Variants in COLEC11 observed in about 807,000 individuals in gnomAD.
The protein encoded by COLEC11 is collectin subfamily member 11, also known as collectin-11.
Under a neutral mutation model 27.3 loss-of-function variants are expected in COLEC11, and 20 were observed. The observed-to-expected ratio is 0.73, with a 90% CI of 0.51 to 1.06. COLEC11 has a LOEUF of 1.06. COLEC11 is among the 50% of genes least tolerant of loss of function. The pLI is 0.00. For synonymous variants in COLEC11, 163 were observed against 154.7 expected (o/e 1.05, Z -0.40); for missense variants, 310 against 383.0 (o/e 0.81, Z 1.59).
chr2:3,641,092 T>C (rs905598584), intron 5 of COLEC11: 2 of 382,118 alleles, frequency 5.2e-6, no homozygotes, highest in African/African-American at 5.0e-5. Context: ...CCACCCACCA[T>C]GTAGACCCCA....
intron 5 of COLEC11, among the ~76,000 whole-genome samples, chr2:3,640,985 A>T (rs1665815721): frequency 7.6e-6 from 1 of 131,514 alleles, no homozygotes. Flanking sequence ...CCCACGGTGG[A>T]CACCCACCCA....
intron 3 of COLEC11, among the ~76,000 whole-genome samples, chr2:3,624,809 G>A (rs1007670764): frequency 6.6e-6 from 1 of 152,134 alleles, no homozygotes; most frequent in South Asian, 2.1e-4. Flanking sequence ...TCTTTGGGGG[G>A]ACTATGGTAG....
chr2:3,638,044 G>A (rs1446048993), intron 4 of COLEC11, among the ~76,000 whole-genome samples: 1 of 152,238 alleles, frequency 6.6e-6, no homozygotes, highest in Admixed American at 6.5e-5. Context: ...AGAACAGGGT[G>A]TGGGATGGCA....
Position 3,644,392 on chromosome 2 carries a change from A to G in COLEC11, c.*274A>G, listed in dbSNP as rs1234142472. On this transcript the variant is annotated 3_prime_UTR_variant, in exon 7 of 7. Coordinates refer to ENST00000349077, the MANE Select transcript of COLEC11 (RefSeq NM_024027.5). ...AATTATTACCCAGAATTGCTCTTCCATAAAGCTTGTGCCTTTGTCCAAGCT... is the reference window on the plus strand; with the variant it reads ...AATTATTACCCAGAATTGCTCTTCCGTAAAGCTTGTGCCTTTGTCCAAGCT... 4 of 635,602 alleles carry G rather than the reference A, an allele frequency of 6.3e-6. No homozygotes were observed. Among genetic ancestry groups the G allele is most frequent in the South Asian group, 4.5e-5 (3 of 66,108 alleles). The allele number at this position is 635,602 out of a possible 1,614,324, so 39.4% of individuals were successfully genotyped here.
chr2:3,615,928 G>T (rs572223840), intron 3 of COLEC11, among the ~76,000 whole-genome samples: 1,005 of 96,580 alleles, frequency 0.01, 21 homozygotes, highest in African/African-American at 0.024. Context: ...CGGACGGGGG[G>T]GCTGCCGGGT....
intron 3 of COLEC11, among the ~76,000 whole-genome samples, chr2:3,627,052 G>A (rs555248306): frequency 9.2e-5 from 14 of 152,276 alleles, no homozygotes; most frequent in African/African-American, 3.1e-4. Flanking sequence ...TTTCTAGCTC[G>A]TTGCAGCGGG....
rs117283166 is a variant in COLEC11, at chr2:3,642,337, G to A, written c.329-1107G>A. The stretch of plus-strand genomic sequence containing the variant: ...CGTGTGGTCACAGGCGTATGGGAAC[G>A]GAATGAGCTCATTGAGAATGAGATC... On this transcript the variant is annotated intron_variant, in intron 5 of 6. Coordinates refer to ENST00000349077, the MANE Select transcript of COLEC11 (RefSeq NM_024027.5). 7.9e-4 allele frequency among the ~76,000 whole-genome samples: 120 copies of A among 152,244 alleles called. 1 individual carries two copies. In the East Asian group the frequency reaches 0.021, roughly 26 times the overall value.
At chr2:3,611,705 C>G (rs114588601) in intron 2 of COLEC11, among the ~76,000 whole-genome samples, 2,797 of 152,204 alleles carry the variant, frequency 0.018, 36 homozygotes, top group South Asian at 0.045. Context: ...GGCTGTGGCA[C>G]GGGGGTGATG....
intron 2 of COLEC11, among the ~76,000 whole-genome samples, chr2:3,611,453 C>T (rs1375743748): frequency 2.6e-5 from 4 of 152,258 alleles, no homozygotes; most frequent in Non-Finnish European, 4.4e-5. Flanking sequence ...ACTGTTCCGT[C>T]TTCTCTGTTC....
intron 3 of COLEC11, among the ~76,000 whole-genome samples, chr2:3,613,891 G>A (rs73914513): frequency 2.0e-5 from 3 of 152,068 alleles, no homozygotes; most frequent in Non-Finnish European, 2.9e-5. Flanking sequence ...GCATGGCAGG[G>A]GTTAAATATA....
chr2:3,608,818 A>G (rs1267416151), intron 2 of COLEC11, among the ~76,000 whole-genome samples: 2 of 152,228 alleles, frequency 1.3e-5, no homozygotes, highest in Non-Finnish European at 2.9e-5. Context: ...CCCGCCGTGG[A>G]TGGGAGGCCT....
At chr2:3,608,119 G>A (rs1458610754) in intron 2 of COLEC11, among the ~76,000 whole-genome samples, 4 of 152,322 alleles carry the variant, frequency 2.6e-5, no homozygotes, top group African/African-American at 7.2e-5. Flanking sequence ...ACTGACATGC[G>A]CCTTCCTAGC....
chr2:3,644,062 G>A lies in COLEC11; in HGVS notation c.760G>A (p.Val254Met), dbSNP rs1666096517. Residue 254 changes from valine to methionine, a missense_variant, in exon 7 of 7, where the codon GTG becomes ATG. Coordinates refer to ENST00000349077, the MANE Select transcript of COLEC11 (RefSeq NM_024027.5). The stretch of plus-strand genomic sequence containing the variant: ...GGTGGCCTCGGGCGGCTGGAACGAC[G>A]TGGCCTGCCACACCACCATGTACTT... The part of the protein sequence containing the change: ...EMVASGGWND[V>M]ACHTTMYFMC... 3 of 1,613,544 alleles carry A rather than the reference G, an allele frequency of 1.9e-6. No individual in the cohort carries two copies. Among genetic ancestry groups the A allele is most frequent in the Non-Finnish European group, 2.5e-6 (3 of 1,180,044 alleles).
In COLEC11 at chr2:3,601,571, G is replaced by C. The variant is rs893605589; in HGVS notation, c.-26-2744G>C. Among the ~76,000 whole-genome samples the C allele has an allele frequency of 3.5e-4, 54 of 152,222 alleles. 1 individual carries two copies. The highest frequency in any genetic ancestry group is 1.5e-4 in the Non-Finnish European group (10 of 68,032). ...GGCCTTCCAAAGTGCTGGGATTACA[G>C]GCGTGAGCCACTGTGACTTTGTGCT... On this transcript the variant is annotated intron_variant, in intron 1 of 6. Coordinates refer to ENST00000349077, the MANE Select transcript of COLEC11 (RefSeq NM_024027.5).
intron 5 of COLEC11, among the ~76,000 whole-genome samples, chr2:3,642,061 G>A (rs1055014003): frequency 1.3e-5 from 2 of 152,256 alleles, no homozygotes; most frequent in African/African-American, 2.4e-5. Context: ...ACTCGCAGCC[G>A]GAGGGAATCG....
At chr2:3,636,851 G>A (rs1665450725) in intron 3 of COLEC11, among the ~76,000 whole-genome samples, 2 of 152,084 alleles carry the variant, frequency 1.3e-5, no homozygotes, top group Middle Eastern at 3.2e-3. Context: ...AATCCCGTGG[G>A]ATCTTGGTGT....
intron 3 of COLEC11, among the ~76,000 whole-genome samples, chr2:3,619,817 G>T (rs1664055586): frequency 6.6e-6 from 1 of 152,166 alleles, no homozygotes; most frequent in African/African-American, 2.4e-5. Context: ...GTAGAGATGA[G>T]GTTTCACCAT....
chr2:3,616,070 C>T (rs1048122219), intron 3 of COLEC11, among the ~76,000 whole-genome samples: 1 of 151,758 alleles, frequency 6.6e-6, no homozygotes, highest in Non-Finnish European at 1.5e-5. Context: ...ACGCTCCTCA[C>T]CTCCCAGACG....
intron 3 of COLEC11, among the ~76,000 whole-genome samples, chr2:3,622,829 A>G (rs1213098194): frequency 6.6e-6 from 1 of 152,240 alleles, no homozygotes; most frequent in South Asian, 2.1e-4. Context: ...TTACCCAGTC[A>G]CAGATATTCA....
Sources: allele counts gnomAD v4.1 joint callset (sites outside exome capture counted in the v4.1 genomes callset), GRCh38; gene constraint gnomAD v4.1.1; transcripts MANE v1.5; gene names NCBI Gene and HGNC (gene_info 2026-07-23, HGNC 2026-07-21).